Variants in ELOVL6 observed in about 807,000 individuals in gnomAD.
ELOVL6 encodes the protein ELOVL fatty acid elongase 6, also known as very long chain fatty acid elongase 6.
In ELOVL6, 8 loss-of-function variants were observed where a neutral mutation model predicts 31.7. That is an observed-to-expected ratio of 0.25 (90% CI 0.15 to 0.45). ELOVL6 has a LOEUF of 0.45. ELOVL6 is among the 20% of genes least tolerant of loss of function. The probability of loss-of-function intolerance (pLI) is 1.00; values close to 1 mark genes in which losing one functional copy is unlikely to be tolerated. For missense variants in ELOVL6, 126 were observed against 326.4 expected (o/e 0.39, Z 4.73); for synonymous variants, 101 against 117.7 (o/e 0.86, Z 0.92).
At position 110,180,280 on chromosome 4, in the gene ELOVL6, G is replaced by A. The variant is rs577872949; in HGVS notation, c.89+17967C>T. Among the ~76,000 whole-genome samples, 74 of 152,248 alleles carry A rather than the reference G, an allele frequency of 4.9e-4. No homozygotes were observed. The South Asian group carries it at 0.011, about 22-fold the overall frequency. On this transcript the variant is annotated intron_variant, in intron 1 of 3. Coordinates refer to ENST00000302274, the MANE Select transcript of ELOVL6 (RefSeq NM_024090.3). ...ATAGCAGATATAATGTGCTAATCTC[G>A]TCTCACTCTAACAGCAGAACTAAAG...
At chr4:110,138,055 C>T (rs1340667164) in intron 1 of ELOVL6, among the ~76,000 whole-genome samples, 1 of 152,210 alleles carries the variant, frequency 6.6e-6, no homozygotes, top group East Asian at 1.9e-4. Flanking sequence ...AAAGTCATTA[C>T]AGAAATGCAT....
chr4:110,169,908 G>T (rs1410345518), intron 1 of ELOVL6, among the ~76,000 whole-genome samples: 5 of 150,746 alleles, frequency 3.3e-5, no homozygotes, highest in Admixed American at 2.6e-4. Context: ...AGGTTCAAGC[G>T]ATTCTCTTGC....
At position 110,094,429 on chromosome 4, in the gene ELOVL6, ATATATATATATAT is replaced by A. The variant is rs1560820620; in HGVS notation, c.221+11055_221+11067del. On this transcript the variant is annotated intron_variant, in intron 2 of 3. Coordinates refer to ENST00000302274, the MANE Select transcript of ELOVL6 (RefSeq NM_024090.3). ...AATATATATATATATATATATATATATATATATATATATAATATATATAACATAATATATATTA... is the reference window on the plus strand; with the variant it reads ...AATATATATATATATATATATATATAAATATATATAACATAATATATATTA... 7.0e-4 allele frequency among the ~76,000 whole-genome samples: 42 copies of A among 59,880 alleles called. 2 individuals carry two copies. Among genetic ancestry groups the A allele is most frequent in the East Asian group, 2.1e-3 (4 of 1,918 alleles). 39.3% of individuals were successfully genotyped at this position (59,880 alleles called of 152,430 possible). A position where few individuals can be genotyped will look rare whatever the true frequency, so the allele number is the denominator to read the frequency against.
rs564052838 is a variant in ELOVL6, at chr4:110,185,120, G to A, written c.89+13127C>T. Among the ~76,000 whole-genome samples the A allele has an allele frequency of 6.6e-4, 101 of 152,274 alleles. 1 individual carries two copies. The highest frequency in any genetic ancestry group is 3.4e-3 in the Middle Eastern group (1 of 294). Reference sequence around the variant, plus strand: ...ACTTTTCTCTTGTCAGTGGACAAAGGATTTAGTGATTACAAAGAGCTGGCA... The same window carrying A: ...ACTTTTCTCTTGTCAGTGGACAAAGAATTTAGTGATTACAAAGAGCTGGCA... On this transcript the variant is annotated intron_variant, in intron 1 of 3. Coordinates refer to ENST00000302274, the MANE Select transcript of ELOVL6 (RefSeq NM_024090.3).
chr4:110,174,228 A>G (rs372244097), intron 1 of ELOVL6, among the ~76,000 whole-genome samples: 4 of 150,892 alleles, frequency 2.7e-5, no homozygotes, highest in Non-Finnish European at 5.9e-5. Context: ...CAGTGGCGTA[A>G]TCTCGGCTCA....
chr4:110,061,028 T>C (rs919905692), intron 2 of ELOVL6, among the ~76,000 whole-genome samples: 2 of 152,214 alleles, frequency 1.3e-5, no homozygotes, highest in Admixed American at 1.3e-4. Flanking sequence ...TTAAGTTGGG[T>C]CTTTGTAAGT....
chr4:110,149,692 G>T (rs1758229123), intron 1 of ELOVL6, among the ~76,000 whole-genome samples: 1 of 152,130 alleles, frequency 6.6e-6, no homozygotes, highest in South Asian at 2.1e-4. Context: ...ATGCAATGAA[G>T]GCCTGACTTC....
chr4:110,128,128 G>A lies in ELOVL6; in HGVS notation c.90-22500C>T, dbSNP rs551071052. Among the ~76,000 whole-genome samples the A allele has an allele frequency of 2.6e-5, 4 of 152,226 alleles. No homozygotes were observed. The South Asian group carries it at 8.3e-4, about 32-fold the overall frequency. On this transcript the variant is annotated intron_variant, in intron 1 of 3. Coordinates refer to ENST00000302274, the MANE Select transcript of ELOVL6 (RefSeq NM_024090.3). The stretch of plus-strand genomic sequence containing the variant: ...CTTGTTGGGTCAGAGAAGGCTTTCT[G>A]GAGACATATTCAGACAGGACGAGTA...
At chr4:110,069,417 G>A (rs1755404279) in intron 2 of ELOVL6, among the ~76,000 whole-genome samples, 1 of 151,772 alleles carries the variant, frequency 6.6e-6, no homozygotes, top group Non-Finnish European at 1.5e-5. Context: ...GTTACTGCTT[G>A]CTCCAGCCCA....
intron 1 of ELOVL6, among the ~76,000 whole-genome samples, chr4:110,180,965 A>G (rs1407353679): frequency 6.6e-6 from 1 of 152,092 alleles, no homozygotes; most frequent in Admixed American, 6.6e-5. Flanking sequence ...AGCAAGACTC[A>G]GTCTCTACAA....
rs1482110086 is a variant in ELOVL6 at position 110,049,245 on chromosome 4, A to G, written c.*2093T>C. On this transcript the variant is annotated 3_prime_UTR_variant, in exon 4 of 4. Transcript: ENST00000302274. ...TCAGTTGTGTCTCACCTATGAACCA[A>G]CATCAAGACATTATAGACTGCTCAC... 2.0e-5 allele frequency: 3 copies of G among 152,204 alleles called. No homozygotes were observed. Among genetic ancestry groups the G allele is most frequent in the Admixed American group, 6.5e-5 (1 of 15,284 alleles). 9.4% of individuals were successfully genotyped at this position (152,204 alleles called of 1,614,324 possible).
At chr4:110,063,875 C>T (rs1484210520) in intron 2 of ELOVL6, among the ~76,000 whole-genome samples, 7 of 151,682 alleles carry the variant, frequency 4.6e-5, no homozygotes, top group Non-Finnish European at 8.8e-5. Context: ...GTCAGGATTT[C>T]GAGACCAGCC....
At chr4:110,151,057 A>T (rs552866660) in intron 1 of ELOVL6, among the ~76,000 whole-genome samples, 1 of 152,034 alleles carries the variant, frequency 6.6e-6, no homozygotes, top group African/African-American at 2.4e-5. Context: ...AAAAAAAAAA[A>T]TTTAAAATAT....
chr4:110,066,461 C>T (rs1028548605), intron 2 of ELOVL6, among the ~76,000 whole-genome samples: 6 of 151,462 alleles, frequency 4.0e-5, no homozygotes, highest in Admixed American at 3.3e-4. Flanking sequence ...ACGGTGAAAC[C>T]CCGTCTCTAC....
At chr4:110,107,452 C>T (rs187400780) in intron 1 of ELOVL6, among the ~76,000 whole-genome samples, 120 of 152,158 alleles carry the variant, frequency 7.9e-4, no homozygotes, top group African/African-American at 2.4e-3. Context: ...GTACTTTCCC[C>T]GTAATACATT....
chr4:110,182,312 T>C (rs1355691967), intron 1 of ELOVL6, among the ~76,000 whole-genome samples: 1 of 152,212 alleles, frequency 6.6e-6, no homozygotes, highest in Non-Finnish European at 1.5e-5. Flanking sequence ...ATCAACAATA[T>C]GGCCCCTCCT....
intron 1 of ELOVL6, among the ~76,000 whole-genome samples, chr4:110,120,353 T>TAA (rs34176994): frequency 0.058 from 8,400 of 144,616 alleles, 709 homozygotes; most frequent in African/African-American, 0.2. Flanking sequence ...AATAAAAAAG[T>TAA]AAAAAAAAAA....
intron 1 of ELOVL6, among the ~76,000 whole-genome samples, chr4:110,182,307 C>A (rs181963113): frequency 2.4e-4 from 36 of 152,224 alleles, no homozygotes; most frequent in Middle Eastern, 3.4e-3. Flanking sequence ...GTGACATCAA[C>A]AATATGGCCC....
intron 1 of ELOVL6, among the ~76,000 whole-genome samples, chr4:110,158,658 T>TATATATATATGTATA (rs35622604): frequency 1.7e-5 from 1 of 59,580 alleles, no homozygotes; most frequent in African/African-American, 9.5e-5. Context: ...TATATATATA[T>TATATATATATGTATA]TTTTTTTTTT....
Sources: allele counts gnomAD v4.1 joint callset (sites outside exome capture counted in the v4.1 genomes callset), GRCh38; gene constraint gnomAD v4.1.1; transcripts MANE v1.5; gene names NCBI Gene and HGNC (gene_info 2026-07-23, HGNC 2026-07-21).